CSMD1: variants seen among roughly 807,000 people sequenced by gnomAD.
The protein encoded by CSMD1 is CUB and Sushi multiple domains 1, also known as CUB and sushi domain-containing protein 1.
In CSMD1, 213 loss-of-function variants were observed where a neutral mutation model predicts 417.5. The ratio of observed to expected loss-of-function variants is 0.51; its 90% confidence interval spans 0.46 to 0.57. CSMD1 has a LOEUF of 0.57. CSMD1 is among the 20% of genes least tolerant of loss of function. The pLI is 0.00. For missense variants in CSMD1, 6,923 were observed against 4,529.7 expected (o/e 1.53, Z -15.17); for synonymous variants, 2,862 against 1,736.8 (o/e 1.65, Z -16.11).
intron 5 of CSMD1, among the ~76,000 whole-genome samples, chr8:3,970,982 C>G (rs1028768949): frequency 6.6e-6 from 1 of 152,112 alleles, no homozygotes; most frequent in African/African-American, 2.4e-5. Context: ...AAGTCCTGAC[C>G]TCAGGTGATC....
rs114212799 is a variant in CSMD1 at position 4,488,992 on chromosome 8, C to T, written c.303-68927G>A. Among the ~76,000 whole-genome samples, 968 of 152,256 alleles carry T rather than the reference C, an allele frequency of 6.4e-3. 8 individuals are homozygous for T. The highest frequency in any genetic ancestry group is 0.022 in the African/African-American group (909 of 41,554). On this transcript the variant is annotated intron_variant, in intron 2 of 69. Coordinates refer to ENST00000635120, the MANE Select transcript of CSMD1 (RefSeq NM_033225.6). Reference sequence around the variant, plus strand: ...AGTGGCGCGATCTTGGCTCACTGCACGTCCGCCTCCCAGCTTCAAGCAATT... The same window carrying T: ...AGTGGCGCGATCTTGGCTCACTGCATGTCCGCCTCCCAGCTTCAAGCAATT...
chr8:4,069,252 A>G (rs1001741909), intron 3 of CSMD1, among the ~76,000 whole-genome samples: 3 of 152,188 alleles, frequency 2.0e-5, no homozygotes, highest in African/African-American at 7.2e-5. Flanking sequence ...AAATTTTGGT[A>G]AAGATTACTG....
chr8:4,079,469 C>T (rs1470999732), intron 3 of CSMD1, among the ~76,000 whole-genome samples: 2 of 152,214 alleles, frequency 1.3e-5, no homozygotes, highest in African/African-American at 4.8e-5. Flanking sequence ...TGAGTTCTAT[C>T]ATCATAAAGC....
chr8:3,764,475 A>ACTTTTGAGAGCAGAGTAG (rs1184679715), intron 5 of CSMD1, among the ~76,000 whole-genome samples: 1 of 152,160 alleles, frequency 6.6e-6, no homozygotes. Flanking sequence ...GAGTAGAGGC[A>ACTTTTGAGAGCAGAGTAG]CCCACAATCT....
At chr8:3,638,315 G>C (rs1000346898) in intron 7 of CSMD1, among the ~76,000 whole-genome samples, 4 of 152,054 alleles carry the variant, frequency 2.6e-5, no homozygotes, top group Non-Finnish European at 5.9e-5. Context: ...TTTACAGTCA[G>C]TTTTTCCAAA....
chr8:3,296,020 C>G (rs953743279), intron 25 of CSMD1, among the ~76,000 whole-genome samples: 2 of 151,932 alleles, frequency 1.3e-5, no homozygotes, highest in African/African-American at 4.8e-5. Flanking sequence ...CACAATAATA[C>G]AGGGAAGAGA....
intron 3 of CSMD1, among the ~76,000 whole-genome samples, chr8:4,118,637 G>T (rs1176333998): frequency 6.6e-6 from 1 of 152,204 alleles, no homozygotes; most frequent in Non-Finnish European, 1.5e-5. Flanking sequence ...ATTTTACACT[G>T]TTGATGGGTG....
intron 2 of CSMD1, among the ~76,000 whole-genome samples, chr8:4,491,174 T>C (rs1378941525): frequency 1.3e-5 from 2 of 151,808 alleles, no homozygotes; most frequent in Non-Finnish European, 2.9e-5. Flanking sequence ...TGTAACAATC[T>C]GTACATGTAC....
At chr8:3,111,831 A>T (rs1156505807) in intron 42 of CSMD1, among the ~76,000 whole-genome samples, 6 of 151,814 alleles carry the variant, frequency 4.0e-5, no homozygotes, top group African/African-American at 1.2e-4. Flanking sequence ...CTGTCTCTAA[A>T]AATAATAATA....
intron 2 of CSMD1, among the ~76,000 whole-genome samples, chr8:4,515,226 A>G (rs557582219): frequency 6.6e-6 from 1 of 152,304 alleles, no homozygotes; most frequent in East Asian, 1.9e-4. Context: ...AGTCTCTATT[A>G]CGCGTTAGGT....
intron 12 of CSMD1, among the ~76,000 whole-genome samples, chr8:3,453,843 C>T (rs1055909376): frequency 1.3e-5 from 2 of 152,146 alleles, no homozygotes; most frequent in African/African-American, 2.4e-5. Flanking sequence ...TGGTGCAGAG[C>T]TGACTTCAAT....
At chr8:3,585,244 C>G (rs994610299) in intron 9 of CSMD1, among the ~76,000 whole-genome samples, 2 of 152,184 alleles carry the variant, frequency 1.3e-5, no homozygotes, top group African/African-American at 4.8e-5. Flanking sequence ...TGCAATGACA[C>G]TATGCTTGTT....
At chr8:3,713,422 C>G (rs75343026) in intron 6 of CSMD1, among the ~76,000 whole-genome samples, 3 of 152,058 alleles carry the variant, frequency 2.0e-5, no homozygotes, top group African/African-American at 7.2e-5. Context: ...TCTTTCTCTG[C>G]CCTCTCTAGC....
chr8:3,648,319 T>A (rs1436002732), intron 7 of CSMD1, among the ~76,000 whole-genome samples: 1 of 152,244 alleles, frequency 6.6e-6, no homozygotes, highest in Admixed American at 6.5e-5. Context: ...CTTGCTGAAA[T>A]AATAGTTGTT....
At chr8:4,294,811 T>G (rs1219656228) in intron 3 of CSMD1, among the ~76,000 whole-genome samples, 1 of 151,990 alleles carries the variant, frequency 6.6e-6, no homozygotes, top group African/African-American at 2.4e-5. Flanking sequence ...AAGTGCTTAC[T>G]TTTCAACCCA....
intron 3 of CSMD1, among the ~76,000 whole-genome samples, chr8:4,254,219 T>C (rs1803284889): frequency 6.6e-6 from 1 of 152,092 alleles, no homozygotes; most frequent in African/African-American, 2.4e-5. Flanking sequence ...GCCAAGCCTT[T>C]CCTTTTATCT....
At chr8:3,359,871 A>G in intron 20 of CSMD1, among the ~76,000 whole-genome samples, 1 of 152,194 alleles carries the variant, frequency 6.6e-6, no homozygotes, top group East Asian at 1.9e-4. Context: ...ATAAATGTGT[A>G]CAATTATTAT....
chr8:3,453,053 T>C (rs900663808), intron 12 of CSMD1, among the ~76,000 whole-genome samples: 3 of 152,218 alleles, frequency 2.0e-5, no homozygotes, highest in African/African-American at 7.2e-5. Context: ...TGGGAGAGTG[T>C]ATGTGTCGAG....
At chr8:3,790,387 G>T (rs1018261571) in intron 5 of CSMD1, among the ~76,000 whole-genome samples, 16 of 152,118 alleles carry the variant, frequency 1.1e-4, no homozygotes, top group African/African-American at 3.9e-4. Context: ...TATGATGATG[G>T]TGATGTTTGA....
Sources: gnomAD v4.1 joint callset for allele counts (sites outside exome capture counted in the v4.1 genomes callset) on GRCh38, gnomAD v4.1.1 for gene constraint, MANE v1.5 for transcripts, NCBI Gene and HGNC (gene_info 2026-07-23, HGNC 2026-07-21) for gene names.